Variants in CDH18 observed in about 807,000 individuals in gnomAD.
The protein encoded by CDH18 is cadherin 18.
A neutral mutation model predicts 67.9 loss-of-function variants in CDH18; 31 were observed. The observed-to-expected ratio is 0.46, with a 90% CI of 0.34 to 0.62. The LOEUF is 0.62. CDH18 is among the 20% of genes least tolerant of loss of function. CDH18 has a pLI of 0.01. For synonymous variants in CDH18, 362 were observed against 347.2 expected (o/e 1.04, Z -0.48); for missense variants, 890 against 975.5 (o/e 0.91, Z 1.17).
chr5:19,717,930 G>GT (rs1157163852), intron 5 of CDH18, among the ~76,000 whole-genome samples: 2 of 151,794 alleles, frequency 1.3e-5, no homozygotes, highest in Non-Finnish European at 2.9e-5. Context: ...TTTGTCCTTT[G>GT]TTGGTACACA....
intron 2 of CDH18, among the ~76,000 whole-genome samples, chr5:20,040,423 G>A (rs1235220882): frequency 6.6e-6 from 1 of 152,102 alleles, no homozygotes; most frequent in Non-Finnish European, 1.5e-5. Flanking sequence ...CTAAAATACT[G>A]TGAACAGTAA....
At chr5:19,556,577 GAAA>G (rs1015038095) in intron 8 of CDH18, among the ~76,000 whole-genome samples, 13 of 148,268 alleles carry the variant, frequency 8.8e-5, no homozygotes, top group South Asian at 8.4e-4. Context: ...CTAAGAAAAA[GAAA>G]AAAAAAATTT....
At chr5:19,742,363 T>C (rs1410339299) in intron 4 of CDH18, among the ~76,000 whole-genome samples, 2 of 151,988 alleles carry the variant, frequency 1.3e-5, no homozygotes, top group African/African-American at 4.8e-5. Context: ...ATTATTTGCA[T>C]GATCTTCCTA....
intron 1 of CDH18, among the ~76,000 whole-genome samples, chr5:20,465,812 T>A (rs1439940516): frequency 6.6e-6 from 1 of 152,036 alleles, no homozygotes; most frequent in African/African-American, 2.4e-5. Context: ...TTTGCATTAA[T>A]GTAAATTAAA....
intron 2 of CDH18, among the ~76,000 whole-genome samples, chr5:20,028,866 T>C (rs2150447100): frequency 6.6e-6 from 1 of 152,262 alleles, no homozygotes; most frequent in East Asian, 1.9e-4. Flanking sequence ...GAAAGTGAAA[T>C]TGTAGGTAAG....
At chr5:19,999,728 T>C (rs1736294872) in intron 2 of CDH18, among the ~76,000 whole-genome samples, 1 of 151,812 alleles carries the variant, frequency 6.6e-6, no homozygotes, top group Admixed American at 6.6e-5. Flanking sequence ...AAAATGAAAA[T>C]GTCGGGATTG....
At chr5:20,039,733 C>T (rs746189582) in intron 2 of CDH18, among the ~76,000 whole-genome samples, 62 of 152,100 alleles carry the variant, frequency 4.1e-4, no homozygotes, top group Non-Finnish European at 6.5e-4. Context: ...AGAACTAAAA[C>T]CATAAAAACC....
intron 1 of CDH18, among the ~76,000 whole-genome samples, chr5:20,288,054 T>G (rs143293805): frequency 0.011 from 1,720 of 151,702 alleles, 34 homozygotes; most frequent in African/African-American, 0.039. Flanking sequence ...CAGCAAAATA[T>G]ACTGCAGATA....
chr5:20,321,506 G>T (rs1043121741), intron 1 of CDH18, among the ~76,000 whole-genome samples: 5 of 151,942 alleles, frequency 3.3e-5, no homozygotes, highest in Admixed American at 1.3e-4. Flanking sequence ...CTCCTTCATG[G>T]AAATGTCATT....
In CDH18 at chr5:19,553,883, C is replaced by T. The variant is rs184235512; in HGVS notation, c.1254-9878G>A. Reference sequence around the variant, plus strand: ...TCCTGAGCTCAAATGATCCTCTCGCCTCGACCTTCCAAAGTGCTAAAATTA... The same window carrying T: ...TCCTGAGCTCAAATGATCCTCTCGCTTCGACCTTCCAAAGTGCTAAAATTA... On this transcript the variant is annotated intron_variant, in intron 8 of 12. Transcript: ENST00000382275. 3.9e-3 allele frequency among the ~76,000 whole-genome samples: 600 copies of T among 152,040 alleles called. 1 individual carries two copies. Among genetic ancestry groups the T allele is most frequent in the Non-Finnish European group, 6.4e-3 (434 of 67,980 alleles).
intron 5 of CDH18, among the ~76,000 whole-genome samples, chr5:19,619,765 G>T (rs543270295): frequency 1.3e-5 from 2 of 152,276 alleles, no homozygotes; most frequent in Non-Finnish European, 2.9e-5. Context: ...CACTGTTACG[G>T]CTGCGGTTTA....
intron 3 of CDH18, among the ~76,000 whole-genome samples, chr5:19,805,666 T>C (rs555599350): frequency 1.2e-3 from 180 of 152,260 alleles, no homozygotes; most frequent in African/African-American, 4.2e-3. Context: ...AGTCCTTTAA[T>C]ACAAGCCGGA....
At chr5:20,033,141 G>T (rs1258627944) in intron 2 of CDH18, among the ~76,000 whole-genome samples, 1 of 151,850 alleles carries the variant, frequency 6.6e-6, no homozygotes, top group Non-Finnish European at 1.5e-5. Flanking sequence ...TTAGTCAGAG[G>T]TTCAGAAAGA....
intron 3 of CDH18, among the ~76,000 whole-genome samples, chr5:19,814,678 G>C (rs964831258): frequency 2.0e-5 from 3 of 151,664 alleles, no homozygotes; most frequent in Non-Finnish European, 2.9e-5. Context: ...AACAATAATA[G>C]AATGCAGGTT....
intron 1 of CDH18, among the ~76,000 whole-genome samples, chr5:20,528,587 G>T (rs1468051824): frequency 6.6e-6 from 1 of 152,032 alleles, no homozygotes; most frequent in African/African-American, 2.4e-5. Flanking sequence ...TAGGACTCAA[G>T]ATTAAGAAAC....
At chr5:19,933,886 TAAC>T (rs1203112615) in intron 2 of CDH18, among the ~76,000 whole-genome samples, 2 of 151,564 alleles carry the variant, frequency 1.3e-5, no homozygotes, top group Non-Finnish European at 3.0e-5. Flanking sequence ...TGGCTTCAAA[TAAC>T]AAACATATAG....
chr5:19,562,431 A>G (rs904146819), intron 8 of CDH18, among the ~76,000 whole-genome samples: 2 of 152,150 alleles, frequency 1.3e-5, no homozygotes, highest in Non-Finnish European at 2.9e-5. Context: ...GAAAATTTCA[A>G]AAGTAGAGAA....
chr5:20,411,724 T>A (rs926524868), intron 1 of CDH18, among the ~76,000 whole-genome samples: 3 of 151,734 alleles, frequency 2.0e-5, no homozygotes, highest in African/African-American at 7.3e-5. Flanking sequence ...AGTTAATTTC[T>A]ATCCAAAACA....
Position 19,519,488 on chromosome 5 carries a change from T to C in CDH18, c.1512+1169A>G, listed in dbSNP as rs575225095. Among the ~76,000 whole-genome samples the C allele has an allele frequency of 2.5e-4, 38 of 152,318 alleles. 1 individual carries two copies. The South Asian group carries it at 7.9e-3, about 32-fold the overall frequency. ...CTCAGAAAGGGCATATTTTGACCTA[T>C]ACCCTTTCCACTTCTGGATTCATCC... On this transcript the variant is annotated intron_variant, in intron 10 of 12. Transcript: ENST00000382275.
Sources: gnomAD v4.1 joint callset for allele counts (sites outside exome capture counted in the v4.1 genomes callset) on GRCh38, gnomAD v4.1.1 for gene constraint, MANE v1.5 for transcripts, NCBI Gene and HGNC (gene_info 2026-07-23, HGNC 2026-07-21) for gene names.